Variants in SPATA12 observed in about 807,000 individuals in gnomAD.
SPATA12 encodes spermatogenesis associated 12.
For synonymous variants in SPATA12, 85 were observed against 89.2 expected (o/e 0.95, Z 0.26); for missense variants, 219 against 226.4 (o/e 0.97, Z 0.21).
In SPATA12 at chr3:57,073,874, GCCAGGAGCAGCCTCTGCCCTC is replaced by G. The variant is rs1217229587; in HGVS notation, c.185_205del (p.Gly62_Pro68del). 1.9e-6 allele frequency: 3 copies of G among 1,614,180 alleles called. No individual in the cohort carries two copies. The highest frequency in any genetic ancestry group is 2.5e-6 in the Non-Finnish European group (3 of 1,180,034). ...CATCATGCCAGGGTCCAGGTGTCCT[GCCAGGAGCAGCCTCTGCCCTC>G]CCAGAGCTGACATTTCAGGGGGATG... On this transcript the variant is annotated inframe_deletion, in exon 2 of 2. Coordinates refer to ENST00000334325, the MANE Select transcript of SPATA12 (RefSeq NM_181727.2).
Position 57,073,915 on chromosome 3 carries a change from G to A in SPATA12, c.221G>A (p.Gly74Glu). 6.2e-7 allele frequency: 1 copy of A among 1,614,184 alleles called. No individual in the cohort carries two copies. The highest frequency in any genetic ancestry group is 2.2e-5 in the East Asian group (1 of 44,870). The change falls in exon 2 of 2, where the codon GGG (glycine) becomes GAG (glutamate). Residue 74 changes from glycine (G) to glutamate (E), a missense_variant. Gly to Glu is a moderately conservative substitution (Grantham distance 98). Transcript: ENST00000334325. ...GCCCTCCCAGAGCTGACATTTCAGG[G>A]GGATGTGTGCCAAAGTGAGACCTGT... ...ASALPELTFQ[G>E]DVCQSETCQR...
At chr3:57,064,428 ATCC>A (rs1296156857) in intron 1 of SPATA12, among the ~76,000 whole-genome samples, 1 of 151,648 alleles carries the variant, frequency 6.6e-6, no homozygotes, top group Non-Finnish European at 1.5e-5. Flanking sequence ...GACTCAAGTG[ATCC>A]TCCCATCTCA....
At chr3:57,066,590 AC>A (rs1186179127) in intron 1 of SPATA12, among the ~76,000 whole-genome samples, 7 of 152,150 alleles carry the variant, frequency 4.6e-5, no homozygotes, top group African/African-American at 1.7e-4. Context: ...CTTCTGAACA[AC>A]CTCAAACAGT....
chr3:57,073,820 A>G lies in SPATA12; in HGVS notation c.126A>G (p.Gln42=), dbSNP rs1560180189. The change falls in exon 2 of 2, where the codon CAA becomes CAG. Residue 42 remains glutamine, a synonymous_variant. Coordinates refer to ENST00000334325, the MANE Select transcript of SPATA12 (RefSeq NM_181727.2). ...CCAGAGGCCTTGGGTCATCCACCCAACATCCCAACAAACCCCACTGTGCAC... is the reference window on the plus strand; with the variant it reads ...CCAGAGGCCTTGGGTCATCCACCCAGCATCCCAACAAACCCCACTGTGCAC... ...WPPRGLGSST[Q]HPNKPHCALA... The G allele has an allele frequency of 6.2e-7, 1 of 1,614,172 alleles. No individual in the cohort carries two copies. The highest frequency in any genetic ancestry group is 8.5e-7 in the Non-Finnish European group (1 of 1,180,038).
At chr3:57,063,660 G>C (rs1209519904) in intron 1 of SPATA12, among the ~76,000 whole-genome samples, 1 of 152,164 alleles carries the variant, frequency 6.6e-6, no homozygotes, top group Admixed American at 6.5e-5. Flanking sequence ...CTAGAAGCCA[G>C]GTGAGACAAG....
At position 57,073,781 on chromosome 3, in the gene SPATA12, C is replaced by G. The variant is rs755036587; in HGVS notation, c.87C>G (p.Leu29=). The G allele has an allele frequency of 2.7e-5, 44 of 1,614,100 alleles. No individual in the cohort carries two copies. In the South Asian group the frequency reaches 3.4e-4, roughly 12 times the overall value. The part of the protein sequence containing the change: ...WEMKALDSSR[L]VPWPPRGLGS... Reference sequence around the variant, plus strand: ...TGAAGGCACTAGACTCTTCCAGACTCGTTCCATGGCCACCCAGAGGCCTTG... The same window carrying G: ...TGAAGGCACTAGACTCTTCCAGACTGGTTCCATGGCCACCCAGAGGCCTTG... The change falls in exon 2 of 2, where the codon CTC becomes CTG. Residue 29 remains leucine (L), a synonymous_variant. Coordinates refer to ENST00000334325, the MANE Select transcript of SPATA12 (RefSeq NM_181727.2).
intron 1 of SPATA12, among the ~76,000 whole-genome samples, chr3:57,065,570 C>T (rs1374116425): frequency 6.6e-6 from 1 of 152,188 alleles, no homozygotes; most frequent in East Asian, 1.9e-4. Context: ...TGCTAAAAAA[C>T]AGACTGGGTA....
chr3:57,073,518 G>GTAGATCTC lies in SPATA12; in HGVS notation c.-177_-176insTAGATCTC. ...ACCTCTGCAGTATCTGGGTGACTGTGGGGTTTGGCTCTGTTTGAGCACCCC... is the reference window on the plus strand; with the variant it reads ...ACCTCTGCAGTATCTGGGTGACTGTGTAGATCTCGGGTTTGGCTCTGTTTGAGCACCCC... On this transcript the variant is annotated 5_prime_UTR_variant, in exon 2 of 2. It introduces an in-frame stop codon into an upstream open reading frame of the 5' UTR. Coordinates refer to ENST00000334325, the MANE Select transcript of SPATA12 (RefSeq NM_181727.2). 4 of 979,718 alleles carry GTAGATCTC rather than the reference G, an allele frequency of 4.1e-6. No individual in the cohort carries two copies. In the Admixed American group the frequency reaches 9.2e-5, roughly 22 times the overall value. The allele number at this position is 979,718 out of a possible 1,614,324, so 60.7% of individuals were successfully genotyped here.
chr3:57,063,848 G>A (rs1384514101), intron 1 of SPATA12, among the ~76,000 whole-genome samples: 1 of 152,234 alleles, frequency 6.6e-6, no homozygotes, highest in Non-Finnish European at 1.5e-5. Context: ...GCTCAAAAGA[G>A]AATGGGATAG....
chr3:57,072,365 C>T (rs899237172), intron 1 of SPATA12, among the ~76,000 whole-genome samples: 1 of 151,548 alleles, frequency 6.6e-6, no homozygotes, highest in African/African-American at 2.4e-5. Context: ...GAAATGTATA[C>T]GGTCAAAGAA....
At chr3:57,065,617 C>A (rs1705485005) in intron 1 of SPATA12, among the ~76,000 whole-genome samples, 1 of 152,042 alleles carries the variant, frequency 6.6e-6, no homozygotes, top group Non-Finnish European at 1.5e-5. Context: ...GTTAATTATA[C>A]CTCAATAAAA....
rs968077802 is a variant in SPATA12, at chr3:57,074,145, A to G, written c.451A>G (p.Ile151Val). The G allele has an allele frequency of 6.2e-7, 1 of 1,614,172 alleles. No individual in the cohort carries two copies. Among genetic ancestry groups the G allele is most frequent in the Non-Finnish European group, 8.5e-7 (1 of 1,180,014 alleles). ...TGWLWRLCED[I>V]DAEPSSTGCS... is the part of the protein sequence containing the mutation. ...ATGGTTGTGGAGACTGTGTGAGGAT[A>G]TAGATGCCGAGCCCAGTAGCACAGG... Residue 151 changes from isoleucine (I) to valine (V), a missense_variant, in exon 2 of 2, where the codon ATA becomes GTA. Transcript: ENST00000334325.
chr3:57,074,011 C>T lies in SPATA12; in HGVS notation c.317C>T (p.Ser106Phe). Residue 106 changes from serine to phenylalanine, a missense_variant, in exon 2 of 2, where the codon TCT (serine) becomes TTT (phenylalanine). By Grantham distance (155) the Ser-to-Phe change is radical. Transcript: ENST00000334325. ...CAAATAAATCTTCTGGGAAGACCCT[C>T]TTCACCTCCAGCTCTCCTGATACAG... ...VSQINLLGRP[S>F]SPPALLIQQG... 1 of 1,614,174 alleles carries T rather than the reference C, an allele frequency of 6.2e-7. No individual in the cohort carries two copies. The highest frequency in any genetic ancestry group is 1.1e-5 in the South Asian group (1 of 91,086).
chr3:57,064,469 C>T (rs1299847776), intron 1 of SPATA12, among the ~76,000 whole-genome samples: 1 of 152,106 alleles, frequency 6.6e-6, no homozygotes, highest in African/African-American at 2.4e-5. Flanking sequence ...ATTACAGGTG[C>T]ATGCCACCAC....
At chr3:57,069,079 C>T (rs781019527) in intron 1 of SPATA12, among the ~76,000 whole-genome samples, 2 of 152,040 alleles carry the variant, frequency 1.3e-5, no homozygotes, top group Non-Finnish European at 1.5e-5. Context: ...CTCACCACCA[C>T]GTCTGGATAA....
At position 57,074,337 on chromosome 3, in the gene SPATA12, T is replaced by C. The variant is rs1706107102; in HGVS notation, c.*70T>C. On this transcript the variant is annotated 3_prime_UTR_variant, in exon 2 of 2. Transcript: ENST00000334325. ...CTGGGCCTTTGCACATGCTATGCCC[T>C]CCCTTCCATCCCCCACCCCCACCAG... is the stretch of plus-strand genomic sequence containing the variant. The C allele has an allele frequency of 9.7e-6, 13 of 1,335,740 alleles. No individual in the cohort carries two copies. The highest frequency in any genetic ancestry group is 1.4e-5 in the Non-Finnish European group (13 of 951,464). The allele number at this position is 1,335,740 out of a possible 1,614,324, so 82.7% of individuals were successfully genotyped here.
At chr3:57,061,638 C>A (rs1705228527) in intron 1 of SPATA12, among the ~76,000 whole-genome samples, 1 of 152,176 alleles carries the variant, frequency 6.6e-6, no homozygotes, top group African/African-American at 2.4e-5. Context: ...GCTTTCATTT[C>A]TTTGGGTATA....
At chr3:57,064,387 G>C (rs889140601) in intron 1 of SPATA12, among the ~76,000 whole-genome samples, 1 of 151,554 alleles carries the variant, frequency 6.6e-6, no homozygotes, top group African/African-American at 2.4e-5. Context: ...GCAGCGGCAA[G>C]ATCACGGCTC....
chr3:57,073,542 C>G lies in SPATA12; in HGVS notation c.-153C>G. On this transcript the variant is annotated 5_prime_UTR_variant, in exon 2 of 2. Coordinates refer to ENST00000334325, the MANE Select transcript of SPATA12 (RefSeq NM_181727.2). Reference sequence around the variant, plus strand: ...TGGGGTTTGGCTCTGTTTGAGCACCCCGGGATGATTGGTGGTGGGGTGTGG... The same window carrying G: ...TGGGGTTTGGCTCTGTTTGAGCACCGCGGGATGATTGGTGGTGGGGTGTGG... The G allele has an allele frequency of 7.5e-7, 1 of 1,329,074 alleles. No homozygotes were observed. Among genetic ancestry groups the G allele is most frequent in the Non-Finnish European group, 1.0e-6 (1 of 1,002,870 alleles). 82.3% of individuals were successfully genotyped at this position (1,329,074 alleles called of 1,614,324 possible). A position where few individuals can be genotyped will look rare whatever the true frequency, so the allele number is the denominator to read the frequency against.
Sources: allele counts gnomAD v4.1 joint callset (sites outside exome capture counted in the v4.1 genomes callset), GRCh38; gene constraint gnomAD v4.1.1; transcripts MANE v1.5; gene names NCBI Gene and HGNC (gene_info 2026-07-23, HGNC 2026-07-21).